Variants in ADAMTS20 observed in about 807,000 individuals in gnomAD.
ADAMTS20 encodes ADAM metallopeptidase with thrombospondin type 1 motif 20.
In ADAMTS20, 225 loss-of-function variants were observed where a neutral mutation model predicts 260.1. The observed-to-expected ratio is 0.87, with a 90% CI of 0.78 to 0.97. The LOEUF is 0.97. Ranked by LOEUF, ADAMTS20 falls within the 50% of genes least tolerant of loss-of-function variation. The pLI is 0.00. For synonymous variants in ADAMTS20, 802 were observed against 769.5 expected (o/e 1.04, Z -0.70); for missense variants, 2,400 against 2,337.7 (o/e 1.03, Z -0.55).
At chr12:43,359,146 T>A (rs1232296939) in intron 37 of ADAMTS20, among the ~76,000 whole-genome samples, 2 of 152,118 alleles carry the variant, frequency 1.3e-5, no homozygotes, top group Non-Finnish European at 2.9e-5. Context: ...TCCTGACATT[T>A]TGAAGAAGCA....
chr12:43,376,371 A>G, intron 33 of ADAMTS20, 41 bp from the exon 34 acceptor site: 1 of 1,483,346 alleles, frequency 6.7e-7, no homozygotes, highest in Non-Finnish European at 9.1e-7. Context: ...AGAGCAAATT[A>G]CAAACACAGC....
intron 37 of ADAMTS20, among the ~76,000 whole-genome samples, chr12:43,359,319 T>C (rs1298759762): frequency 1.3e-5 from 2 of 152,192 alleles, no homozygotes; most frequent in African/African-American, 2.4e-5. Flanking sequence ...AGCATATAGA[T>C]AGATGCAAGT....
chr12:43,441,420 G>A (rs1025984999), intron 16 of ADAMTS20, among the ~76,000 whole-genome samples: 15 of 151,774 alleles, frequency 9.9e-5, no homozygotes, highest in Non-Finnish European at 1.3e-4. Context: ...AAAATCATGC[G>A]TAGTAAAAAG....
intron 7 of ADAMTS20, among the ~76,000 whole-genome samples, chr12:43,485,852 A>C (rs1010065899): frequency 6.6e-6 from 1 of 152,296 alleles, no homozygotes; most frequent in African/African-American, 2.4e-5. Context: ...AATACCTAGG[A>C]ATACACTTAA....
chr12:43,495,743 A>G (rs1942669256), intron 4 of ADAMTS20, among the ~76,000 whole-genome samples: 2 of 152,206 alleles, frequency 1.3e-5, no homozygotes, highest in African/African-American at 4.8e-5. Flanking sequence ...GGTAAAAGAT[A>G]CAAAAACAGA....
At chr12:43,409,805 C>T (rs1315260338) in intron 28 of ADAMTS20, among the ~76,000 whole-genome samples, 4 of 151,912 alleles carry the variant, frequency 2.6e-5, no homozygotes. Flanking sequence ...TAAGCACATT[C>T]GTTAACACTA....
intron 18 of ADAMTS20, among the ~76,000 whole-genome samples, chr12:43,435,351 A>G (rs1268690909): frequency 6.6e-6 from 1 of 152,138 alleles, no homozygotes; most frequent in Non-Finnish European, 1.5e-5. Context: ...TCTAAAAAAT[A>G]AAGTCTAGGC....
intron 19 of ADAMTS20, 124 bp downstream of exon 19, chr12:43,434,121 T>A: frequency 1.9e-6 from 2 of 1,080,128 alleles, no homozygotes; most frequent in East Asian, 5.3e-5. Context: ...GCCTGAAATT[T>A]TTTCATGGCA....
At chr12:43,483,818 T>C (rs927853751) in intron 7 of ADAMTS20, among the ~76,000 whole-genome samples, 7 of 152,156 alleles carry the variant, frequency 4.6e-5, no homozygotes, top group Non-Finnish European at 2.9e-5. Flanking sequence ...TCACCTGCTT[T>C]AGCCGCAGCC....
At chr12:43,359,054 T>C (rs1939812725) in intron 37 of ADAMTS20, among the ~76,000 whole-genome samples, 1 of 152,094 alleles carries the variant, frequency 6.6e-6, no homozygotes, top group Middle Eastern at 3.2e-3. Flanking sequence ...TCTCTCACTG[T>C]CTCTCTCTCC....
At chr12:43,418,260 G>C (rs11612644) in intron 28 of ADAMTS20, among the ~76,000 whole-genome samples, 3,713 of 152,278 alleles carry the variant, frequency 0.024, 73 homozygotes, top group East Asian at 0.079. Context: ...CTACTCAGGA[G>C]AGAACATTTT....
At chr12:43,391,723 A>C (rs1940600943) in intron 29 of ADAMTS20, among the ~76,000 whole-genome samples, 1 of 152,132 alleles carries the variant, frequency 6.6e-6, no homozygotes, top group Non-Finnish European at 1.5e-5. Flanking sequence ...TTTCTGCAGG[A>C]TTCCAGAGTA....
chr12:43,506,907 G>T (rs1592102229), intron 3 of ADAMTS20, among the ~76,000 whole-genome samples: 1 of 151,126 alleles, frequency 6.6e-6, no homozygotes, highest in East Asian at 1.9e-4. Flanking sequence ...GAAAGGACAA[G>T]AACTAAGTTT....
chr12:43,542,503 G>T (rs1943390088), intron 2 of ADAMTS20, among the ~76,000 whole-genome samples: 1 of 62,078 alleles, frequency 1.6e-5, no homozygotes, highest in African/African-American at 4.6e-5. Flanking sequence ...TTATCATTTG[G>T]GCCAATCTAT....
intron 3 of ADAMTS20, among the ~76,000 whole-genome samples, chr12:43,523,439 C>T (rs554590794): frequency 6.6e-6 from 1 of 152,096 alleles, no homozygotes; most frequent in Admixed American, 6.5e-5. Context: ...TGGGGAAGAA[C>T]TCCCTTGGCC....
rs111421523 is a variant in ADAMTS20 at position 43,383,643 on chromosome 12, T to C, written c.4712A>G (p.Tyr1571Cys). ...TGTAAGAGATATGGTTGAAGAATTA[T>C]AGACTATTTCATTCACTTGTCTGAT... is the stretch of plus-strand genomic sequence containing the variant. ...NQIRQVNEIV[Y>C]NSSTISLTSK... Residue 1571 changes from tyrosine to cysteine, a missense_variant, in exon 31 of 39, where the codon TAT (tyrosine) becomes TGT (cysteine). Coordinates refer to ENST00000389420, the MANE Select transcript of ADAMTS20 (RefSeq NM_025003.5). 7 of 1,613,938 alleles carry C rather than the reference T, an allele frequency of 4.3e-6. No homozygotes were observed. The highest frequency in any genetic ancestry group is 4.5e-5 in the East Asian group (2 of 44,880).
chr12:43,532,281 C>G (rs985665975), intron 2 of ADAMTS20, 86 bp from the exon 3 acceptor site: 2 of 1,239,902 alleles, frequency 1.6e-6, no homozygotes, highest in African/African-American at 1.5e-5. Flanking sequence ...AATGAGCAGA[C>G]AGAAGCAAAA....
intron 38 of ADAMTS20, among the ~76,000 whole-genome samples, chr12:43,354,866 A>G (rs544959437): frequency 1.8e-4 from 27 of 152,360 alleles, no homozygotes; most frequent in Admixed American, 1.5e-3. Context: ...AGCAATCATT[A>G]GAATTAGAAA....
At chr12:43,497,321 C>T (rs1440921385) in intron 4 of ADAMTS20, among the ~76,000 whole-genome samples, 1 of 152,084 alleles carries the variant, frequency 6.6e-6, no homozygotes, top group Admixed American at 6.5e-5. Context: ...ATTGCTATCA[C>T]CATTAACTTA....
Sources: allele counts gnomAD v4.1 joint callset (sites outside exome capture counted in the v4.1 genomes callset), GRCh38; gene constraint gnomAD v4.1.1; transcripts MANE v1.5; gene names NCBI Gene and HGNC (gene_info 2026-07-23, HGNC 2026-07-21).